Variants in GLRB observed in about 807,000 individuals in gnomAD.
GLRB encodes glycine receptor beta, also known as glycine receptor subunit beta.
GLRB carries 33 observed loss-of-function variants against 54.2 expected under a neutral mutation model. That is an observed-to-expected ratio of 0.61 (90% CI 0.46 to 0.81). The LOEUF (loss-of-function observed/expected upper bound fraction) is 0.81. Among genes scored for constraint, GLRB ranks in the 40% least tolerant of loss-of-function variants. The probability of loss-of-function intolerance (pLI) is 0.00; values close to 1 mark genes in which losing one functional copy is unlikely to be tolerated. For synonymous variants in GLRB, 209 were observed against 208.2 expected, an observed-to-expected ratio of 1.00 and a Z score of -0.03; for missense variants, 572 against 584.6, an observed-to-expected ratio of 0.98 and a Z score of 0.22.
chr4:157,081,620 C>G (rs1051435074), intron 2 of GLRB, among the ~76,000 whole-genome samples: 2 of 152,166 alleles, frequency 1.3e-5, no homozygotes, highest in African/African-American at 4.8e-5. Flanking sequence ...TCAGTAGTCA[C>G]CAGAACTCAT....
At chr4:157,169,083 AG>A (rs1737821972) in intron 9 of GLRB, among the ~76,000 whole-genome samples, 1 of 152,100 alleles carries the variant, frequency 6.6e-6, no homozygotes, top group African/African-American at 2.4e-5. Context: ...TTATTGTGTG[AG>A]GTATAGTGTT....
chr4:157,118,844 G>T (rs1015607194), intron 2 of GLRB, among the ~76,000 whole-genome samples: 1 of 151,498 alleles, frequency 6.6e-6, no homozygotes, highest in South Asian at 2.1e-4. Context: ...TTATGAAACT[G>T]AGACTTTTTA....
In GLRB at chr4:157,146,985, G is replaced by A. The variant is rs146429264; in HGVS notation, c.904+3026G>A. 3.7e-4 allele frequency among the ~76,000 whole-genome samples: 56 copies of A among 152,272 alleles called. 1 individual carries two copies. In the East Asian group the frequency reaches 0.01, roughly 27 times the overall value. Reference sequence around the variant, plus strand: ...TAGAAATATGAAATTGACCTTAGCCGAGATGGGCAAAGGTGCAAGTAAATA... The same window carrying A: ...TAGAAATATGAAATTGACCTTAGCCAAGATGGGCAAAGGTGCAAGTAAATA... On this transcript the variant is annotated intron_variant, in intron 8 of 9. Coordinates refer to ENST00000264428, the MANE Select transcript of GLRB (RefSeq NM_000824.5).
chr4:157,134,228 AT>A (rs1249971706), intron 4 of GLRB, among the ~76,000 whole-genome samples: 3 of 152,080 alleles, frequency 2.0e-5, no homozygotes, highest in Non-Finnish European at 4.4e-5. Flanking sequence ...ACCAGTATAC[AT>A]TCCAAAAGAT....
rs886059189 is a variant in GLRB, at chr4:157,171,244, G to A, written c.*516G>A. 2.0e-5 allele frequency: 3 copies of A among 152,162 alleles called. No individual in the cohort carries two copies. In the East Asian group the frequency reaches 5.8e-4, roughly 29 times the overall value. The allele number at this position is 152,162 out of a possible 1,614,324, so 9.4% of individuals were successfully genotyped here. On this transcript the variant is annotated 3_prime_UTR_variant, in exon 10 of 10. Transcript: ENST00000264428. ...AAATATATCTGTTATAATTATACAG[G>A]CTCTGTGGAGAAATAAAGTTCAAAA...
chr4:157,113,998 C>G (rs923626892), intron 2 of GLRB, among the ~76,000 whole-genome samples: 3 of 151,836 alleles, frequency 2.0e-5, no homozygotes, highest in Non-Finnish European at 4.4e-5. Flanking sequence ...AAAAAATACT[C>G]CACAATAATT....
At chr4:157,078,304 T>C (rs1289571686) in intron 2 of GLRB, 158 bp downstream of exon 2, 10 of 809,420 alleles carry the variant, frequency 1.2e-5, no homozygotes, top group Non-Finnish European at 1.3e-5. Flanking sequence ...GAGGAGAGGT[T>C]TAGAATGTAA....
chr4:157,078,555 CAGAT>C (rs1404232121), intron 2 of GLRB, among the ~76,000 whole-genome samples: 2 of 151,476 alleles, frequency 1.3e-5, no homozygotes, highest in East Asian at 1.9e-4. Flanking sequence ...ATTTAAAAGT[CAGAT>C]AGGTAACTGT....
At chr4:157,141,872 A>T (rs776369042) in intron 7 of GLRB, among the ~76,000 whole-genome samples, 1 of 152,128 alleles carries the variant, frequency 6.6e-6, no homozygotes, top group Non-Finnish European at 1.5e-5. Context: ...TGCAGGACTC[A>T]TGTGAATGGA....
intron 8 of GLRB, among the ~76,000 whole-genome samples, chr4:157,146,315 G>T (rs144002908): frequency 0.016 from 2,479 of 151,990 alleles, 31 homozygotes; most frequent in Middle Eastern, 0.034. Context: ...GCACCGGGCC[G>T]ATTTTAGTTT....
chr4:157,082,964 T>TA lies in GLRB; in HGVS notation c.122+4818_122+4819insA, dbSNP rs1734275534. Reference sequence around the variant, plus strand: ...AATTATCAGACAAATGAATAGTGTTTTATATATATATATATATATATATAT... The same window carrying TA: ...AATTATCAGACAAATGAATAGTGTTTATATATATATATATATATATATATAT... On this transcript the variant is annotated intron_variant, in intron 2 of 9. Coordinates refer to ENST00000264428, the MANE Select transcript of GLRB (RefSeq NM_000824.5). Among the ~76,000 whole-genome samples the TA allele has an allele frequency of 2.4e-3, 335 of 139,652 alleles. 1 individual carries two copies. Among genetic ancestry groups the TA allele is most frequent in the Non-Finnish European group, 3.0e-3 (189 of 64,046 alleles). The allele number at this position is 139,652 out of a possible 152,430, so 91.6% of individuals were successfully genotyped here.
intron 4 of GLRB, among the ~76,000 whole-genome samples, chr4:157,135,895 T>A (rs1045920377): frequency 1.2e-4 from 19 of 152,114 alleles, no homozygotes; most frequent in African/African-American, 4.8e-5. Flanking sequence ...CCCTCTAAAG[T>A]AGAGGGCCAT....
At chr4:157,096,708 CAAATTCA>C (rs1436639697) in intron 2 of GLRB, among the ~76,000 whole-genome samples, 1 of 152,142 alleles carries the variant, frequency 6.6e-6, no homozygotes. Flanking sequence ...AGATATCATT[CAAATTCA>C]ACAGAGATAG....
rs183749098 is a variant in GLRB at position 157,134,430 on chromosome 4, C to T, written c.298-2039C>T. On this transcript the variant is annotated intron_variant, in intron 4 of 9. Transcript: ENST00000264428. ...TTAATTACCCAGGAGATTGAGGCTG[C>T]AGTGAGCTGTGATAGTTTCACTGCC... Among the ~76,000 whole-genome samples the T allele has an allele frequency of 5.9e-5, 9 of 152,016 alleles. No individual in the cohort carries two copies. The East Asian group carries it at 1.7e-3, about 29-fold the overall frequency.
intron 2 of GLRB, among the ~76,000 whole-genome samples, chr4:157,109,426 T>A (rs1197289854): frequency 6.6e-6 from 1 of 151,932 alleles, no homozygotes; most frequent in Non-Finnish European, 1.5e-5. Flanking sequence ...GTCTGCTTGA[T>A]GGAATCTGTA....
intron 2 of GLRB, among the ~76,000 whole-genome samples, chr4:157,095,095 G>A (rs1311742727): frequency 6.6e-6 from 1 of 152,138 alleles, no homozygotes; most frequent in Non-Finnish European, 1.5e-5. Flanking sequence ...AGGCCATGGA[G>A]ATTTATAGAG....
chr4:157,169,556 G>T (rs1445033370), intron 9 of GLRB, among the ~76,000 whole-genome samples: 3 of 151,934 alleles, frequency 2.0e-5, no homozygotes, highest in African/African-American at 7.3e-5. Flanking sequence ...ACAAAAAGTT[G>T]ACCCTCTATA....
intron 2 of GLRB, among the ~76,000 whole-genome samples, chr4:157,108,366 A>G (rs1460745487): frequency 6.6e-6 from 1 of 152,130 alleles, no homozygotes; most frequent in East Asian, 1.9e-4. Flanking sequence ...TCTAGATACC[A>G]TTAAGAACAT....
chr4:157,090,085 T>C (rs1734557316), intron 2 of GLRB, among the ~76,000 whole-genome samples: 1 of 152,206 alleles, frequency 6.6e-6, no homozygotes, highest in Admixed American at 6.5e-5. Flanking sequence ...TTCCTGAACC[T>C]GATCCTGTCC....
Sources: allele counts gnomAD v4.1 joint callset (sites outside exome capture counted in the v4.1 genomes callset), GRCh38; gene constraint gnomAD v4.1.1; transcripts MANE v1.5; gene names NCBI Gene and HGNC (gene_info 2026-07-23, HGNC 2026-07-21).